The following KMT2C variants were observed in gnomAD, a reference collection of about 807,000 sequenced individuals.
KMT2C encodes histone-lysine N-methyltransferase 2C.
KMT2C carries 88 observed loss-of-function variants against 507.9 expected under a neutral mutation model. The ratio of observed to expected loss-of-function variants is 0.17; its 90% CI spans 0.15 to 0.21. KMT2C has a LOEUF of 0.21. Ranked by LOEUF, KMT2C falls within the 10% of genes least tolerant of loss-of-function variation. The pLI, the probability that KMT2C is intolerant of heterozygous loss-of-function variation, is 1.00. For synonymous variants in KMT2C, 2,049 were observed against 2,080.8 expected, an observed-to-expected ratio of 0.98 and a Z score of 0.42; for missense variants, 4,954 against 5,957.8, an observed-to-expected ratio of 0.83 and a Z score of 5.55.
intron 15 of KMT2C, among the ~76,000 whole-genome samples, chr7:152,237,225 T>C (rs2095293614): frequency 6.6e-6 from 1 of 152,300 alleles, no homozygotes. Context: ...TCCCTTATCA[T>C]AGTTTGAAAT....
rs761728759 is a variant in KMT2C, at chr7:152,150,874, A to G, written c.12774+26T>C. On this transcript the variant is annotated intron_variant, in intron 51 of 58. Transcript: ENST00000262189. The stretch of plus-strand genomic sequence containing the variant: ...CAGAAGTCACTCGTTACACATTGTT[A>G]TCAGCTGAGATTATCCTAATCTCAC... 8.0e-5 allele frequency: 115 copies of G among 1,443,176 alleles called. No individual in the cohort carries two copies. In the Middle Eastern group the frequency reaches 8.6e-4, roughly 11 times the overall value. 89.4% of individuals were successfully genotyped at this position (1,443,176 alleles called of 1,614,324 possible).
chr7:152,425,289 C>T (rs959564755), intron 1 of KMT2C, among the ~76,000 whole-genome samples: 2 of 152,040 alleles, frequency 1.3e-5, no homozygotes, highest in African/African-American at 2.4e-5. Flanking sequence ...ATAAGAAACA[C>T]TTAGGGCCAG....
intron 26 of KMT2C, 145 bp downstream of exon 26, chr7:152,202,789 A>G (rs1563375175): frequency 1.5e-6 from 1 of 672,950 alleles, no homozygotes; most frequent in African/African-American, 1.9e-5. Context: ...GGACCCCTGA[A>G]AGGTAAAAAT....
At chr7:152,426,094 C>T (rs2097814672) in intron 1 of KMT2C, among the ~76,000 whole-genome samples, 1 of 152,012 alleles carries the variant, frequency 6.6e-6, no homozygotes, top group Non-Finnish European at 1.5e-5. Flanking sequence ...TAATGAAAAA[C>T]ATTTCATAGA....
At chr7:152,430,558 T>A (rs796497329) in intron 1 of KMT2C, among the ~76,000 whole-genome samples, 34 of 152,152 alleles carry the variant, frequency 2.2e-4, no homozygotes, top group Admixed American at 6.5e-4. Flanking sequence ...ATTTAGAGAG[T>A]CTTGCTCTGT....
intron 6 of KMT2C, among the ~76,000 whole-genome samples, chr7:152,287,621 G>T (rs888750772): frequency 1.1e-4 from 16 of 152,142 alleles, no homozygotes; most frequent in South Asian, 4.1e-4. Context: ...CTAAGAACCA[G>T]GAAAATCTGA....
intron 6 of KMT2C, among the ~76,000 whole-genome samples, chr7:152,289,188 T>G (rs2096362176): frequency 6.6e-6 from 1 of 152,208 alleles, no homozygotes; most frequent in African/African-American, 2.4e-5. Flanking sequence ...GAAGCAAAAA[T>G]TGTTACACGA....
intron 23 of KMT2C, among the ~76,000 whole-genome samples, chr7:152,211,050 A>T (rs2129140532): frequency 7.2e-6 from 1 of 139,522 alleles, no homozygotes; most frequent in East Asian, 1.9e-4. Context: ...TGCCTAACAA[A>T]ACAGATTTTA....
At position 152,151,483 on chromosome 7, in the gene KMT2C, C is replaced by G. The variant is rs768150468; in HGVS notation, c.12625G>C (p.Gly4209Arg). Residue 4209 changes from glycine (G) to arginine (R), a missense_variant, in exon 50 of 59, where the codon GGT becomes CGT. Gly to Arg is a moderately radical substitution (Grantham distance 125). This residue lies in a region of KMT2C where 417 missense variants were observed against 461.1 expected (regional missense o/e 0.90). Coordinates refer to ENST00000262189, the MANE Select transcript of KMT2C (RefSeq NM_170606.3). The part of the protein sequence containing the change: ...CHCKVVILGS[G>R]VRKSFKDLTL... ...AGATCTTTGAAAGATTTCCGCACACCACTTCCAAGAATAACCACTTTACAA... is the reference window on the plus strand; with the variant it reads ...AGATCTTTGAAAGATTTCCGCACACGACTTCCAAGAATAACCACTTTACAA... 19 of 1,614,080 alleles carry G rather than the reference C, an allele frequency of 1.2e-5. No individual in the cohort carries two copies. The highest frequency in any genetic ancestry group is 1.6e-5 in the Non-Finnish European group (19 of 1,179,982).
At chr7:152,167,676 T>G (rs1364426647) in intron 41 of KMT2C, among the ~76,000 whole-genome samples, 1 of 152,188 alleles carries the variant, frequency 6.6e-6, no homozygotes, top group Non-Finnish European at 1.5e-5. Flanking sequence ...TTTTTTTTAC[T>G]AAACAAATTC....
At chr7:152,278,954 A>G (rs1378821474) in intron 6 of KMT2C, among the ~76,000 whole-genome samples, 1 of 152,052 alleles carries the variant, frequency 6.6e-6, no homozygotes, top group East Asian at 1.9e-4. Flanking sequence ...GTTTGATTCA[A>G]ACAGACACAT....
chr7:152,159,650 ATACT>A (rs912492288), intron 43 of KMT2C, among the ~76,000 whole-genome samples: 44 of 152,358 alleles, frequency 2.9e-4, no homozygotes, highest in Non-Finnish European at 2.4e-4. Flanking sequence ...TAATGGCCAC[ATACT>A]TAAAGTCAAT....
At chr7:152,209,587 C>A (rs1405315842) in intron 23 of KMT2C, among the ~76,000 whole-genome samples, 2 of 150,604 alleles carry the variant, frequency 1.3e-5, no homozygotes, top group East Asian at 3.9e-4. Flanking sequence ...AAGATAAAAT[C>A]AAGCTGTGGC....
chr7:152,269,293 C>T (rs1390966402), intron 7 of KMT2C, among the ~76,000 whole-genome samples: 1 of 152,170 alleles, frequency 6.6e-6, no homozygotes, highest in Non-Finnish European at 1.5e-5. Flanking sequence ...ATACATACAT[C>T]TGGTGCAAAA....
rs796434736 is a variant in KMT2C, at chr7:152,413,651, G to A, written c.161+21975C>T. Among the ~76,000 whole-genome samples the A allele has an allele frequency of 1.8e-3, 276 of 150,838 alleles. 1 individual carries two copies. Among genetic ancestry groups the A allele is most frequent in the Non-Finnish European group, 3.2e-3 (217 of 67,956 alleles). On this transcript the variant is annotated intron_variant, in intron 1 of 58. Coordinates refer to ENST00000262189, the MANE Select transcript of KMT2C (RefSeq NM_170606.3). Reference sequence around the variant, plus strand: ...TGTAATCCCAGCACTTTGGGAGGCCGAGGCAGGTGGATCACCTGAGGTCAG... The same window carrying A: ...TGTAATCCCAGCACTTTGGGAGGCCAAGGCAGGTGGATCACCTGAGGTCAG...
chr7:152,387,798 T>C (rs1413812724), intron 1 of KMT2C, among the ~76,000 whole-genome samples: 2 of 152,114 alleles, frequency 1.3e-5, no homozygotes, highest in African/African-American at 4.8e-5. Flanking sequence ...AAAGAATATA[T>C]ATGCCTATGT....
At chr7:152,140,282 A>G (rs1285666243) in intron 55 of KMT2C, among the ~76,000 whole-genome samples, 1 of 152,230 alleles carries the variant, frequency 6.6e-6, no homozygotes, top group Admixed American at 6.5e-5. Flanking sequence ...CAAAGAGCAG[A>G]CACAGGAAAC....
At chr7:152,297,874 T>C (rs538448827) in intron 6 of KMT2C, among the ~76,000 whole-genome samples, 1 of 152,232 alleles carries the variant, frequency 6.6e-6, no homozygotes, top group Admixed American at 6.5e-5. Context: ...CTTAAATAGA[T>C]GTTAAAATTA....
intron 16 of KMT2C, among the ~76,000 whole-genome samples, chr7:152,234,670 G>A (rs2095226863): frequency 6.6e-6 from 1 of 152,130 alleles, no homozygotes; most frequent in South Asian, 2.1e-4. Flanking sequence ...GGAAGCCAAG[G>A]TGGGAAAACT....
Sources: gnomAD v4.1 joint callset for allele counts (sites outside exome capture counted in the v4.1 genomes callset) on GRCh38, gnomAD v4.1.1 for gene constraint, gnomAD v4.1.1 regional missense constraint, MANE v1.5 for transcripts, NCBI Gene and HGNC (gene_info 2026-07-23, HGNC 2026-07-21) for gene names.